Variants in CDC14A observed in about 807,000 individuals in gnomAD.
CDC14A encodes the protein cell division cycle 14A, also known as dual specificity protein phosphatase CDC14A.
In CDC14A, 53 loss-of-function variants were observed where a neutral mutation model predicts 74.4. The observed-to-expected ratio is 0.71, with a 90% CI of 0.57 to 0.89. The LOEUF (loss-of-function observed/expected upper bound fraction) is 0.89. Ranked by LOEUF, CDC14A falls within the 40% of genes least tolerant of loss-of-function variation. The probability of loss-of-function intolerance (pLI) is 0.00; values close to 1 mark genes in which losing one functional copy is unlikely to be tolerated. For synonymous variants in CDC14A, 247 were observed against 258.4 expected (o/e 0.96, Z 0.43); for missense variants, 646 against 713.7 (o/e 0.91, Z 1.08).
At chr1:100,477,684 C>T (rs747835685) in intron 10 of CDC14A, among the ~76,000 whole-genome samples, 28 of 152,046 alleles carry the variant, frequency 1.8e-4, no homozygotes, top group African/African-American at 5.6e-4. Context: ...TCAATGATGA[C>T]GCAAAAGCAT....
intron 10 of CDC14A, among the ~76,000 whole-genome samples, chr1:100,469,187 CATAGGAAGATGCCATA>C (rs755654723): frequency 6.6e-6 from 1 of 152,104 alleles, no homozygotes; most frequent in Non-Finnish European, 1.5e-5. Flanking sequence ...TCATGAATTT[CATAGGAAGATGCCATA>C]AGTAAACTCT....
At chr1:100,389,967 A>C (rs533707723) in intron 3 of CDC14A, among the ~76,000 whole-genome samples, 2 of 152,148 alleles carry the variant, frequency 1.3e-5, no homozygotes, top group Admixed American at 6.5e-5. Context: ...TCGAGTTTTG[A>C]TTAATAATTT....
intron 1 of CDC14A, among the ~76,000 whole-genome samples, chr1:100,353,296 G>T (rs1241157528): frequency 6.6e-6 from 1 of 152,236 alleles, no homozygotes; most frequent in Non-Finnish European, 1.5e-5. Context: ...GCCTGCTCCG[G>T]ATGCTCACCG....
At chr1:100,449,741 A>G (rs150721379) in intron 7 of CDC14A, among the ~76,000 whole-genome samples, 4 of 152,330 alleles carry the variant, frequency 2.6e-5, no homozygotes, top group East Asian at 1.9e-4. Context: ...TAAGTAACCT[A>G]CTAGCACAGT....
intron 11 of CDC14A, among the ~76,000 whole-genome samples, chr1:100,491,707 G>A (rs1381747469): frequency 6.7e-6 from 1 of 148,772 alleles, no homozygotes; most frequent in Non-Finnish European, 1.5e-5. Flanking sequence ...AAGTAGCTGG[G>A]ATTACAGGCA....
intron 7 of CDC14A, among the ~76,000 whole-genome samples, chr1:100,443,943 G>A (rs1665246252): frequency 6.6e-6 from 1 of 152,190 alleles, no homozygotes; most frequent in Non-Finnish European, 1.5e-5. Flanking sequence ...TTTCCCCAGA[G>A]GAGTAATACA....
chr1:100,370,784 A>G (rs1405156109), intron 2 of CDC14A, among the ~76,000 whole-genome samples: 2 of 151,826 alleles, frequency 1.3e-5, no homozygotes, highest in Non-Finnish European at 2.9e-5. Context: ...TGCTTTGACT[A>G]TTTGGCCTTA....
chr1:100,480,711 A>G (rs550750381), intron 10 of CDC14A, among the ~76,000 whole-genome samples: 1 of 152,332 alleles, frequency 6.6e-6, no homozygotes, highest in African/African-American at 2.4e-5. Flanking sequence ...GAAAAAGGTT[A>G]GAGATGGGGG....
chr1:100,455,083 T>A (rs1292781842), intron 7 of CDC14A, among the ~76,000 whole-genome samples: 1 of 152,226 alleles, frequency 6.6e-6, no homozygotes, highest in Non-Finnish European at 1.5e-5. Context: ...TTTCTCTTAT[T>A]TATCGCCAAG....
intron 10 of CDC14A, among the ~76,000 whole-genome samples, chr1:100,481,964 C>T (rs142714184): frequency 2.0e-5 from 3 of 152,258 alleles, no homozygotes; most frequent in East Asian, 3.9e-4. Flanking sequence ...AAGGAATTTG[C>T]GTGAAGTGCT....
intron 3 of CDC14A, among the ~76,000 whole-genome samples, chr1:100,384,853 G>A (rs1656626887): frequency 6.6e-6 from 1 of 152,236 alleles, no homozygotes; most frequent in Non-Finnish European, 1.5e-5. Context: ...GTAGGTTGGA[G>A]CTTACTGCAC....
chr1:100,392,085 T>G (rs1020519489), intron 4 of CDC14A, among the ~76,000 whole-genome samples: 2 of 152,210 alleles, frequency 1.3e-5, no homozygotes, highest in Admixed American at 6.5e-5. Flanking sequence ...ATGAGAGGGT[T>G]GGATGTAATG....
upstream of CDC14A, among the ~76,000 whole-genome samples, chr1:100,348,079 C>T (rs972957744): frequency 1.3e-5 from 2 of 151,976 alleles, no homozygotes; most frequent in African/African-American, 2.4e-5. Flanking sequence ...GTCAAGAGAT[C>T]GAGACCATCC....
At chr1:100,434,497 C>T (rs1315020176) in intron 5 of CDC14A, among the ~76,000 whole-genome samples, 1 of 152,204 alleles carries the variant, frequency 6.6e-6, no homozygotes, top group African/African-American at 2.4e-5. Context: ...TTAAAAATAT[C>T]ACTCTGGCTT....
chr1:100,348,147 T>C (rs942409695), upstream of CDC14A, among the ~76,000 whole-genome samples: 1 of 152,076 alleles, frequency 6.6e-6, no homozygotes, highest in African/African-American at 2.4e-5. Context: ...TTGGGCATGG[T>C]GGTGCACGCC....
At chr1:100,484,876 T>TTA (rs1474992458) in intron 11 of CDC14A, 2 of 973,030 alleles carry the variant, frequency 2.1e-6, no homozygotes, top group Admixed American at 6.2e-5. Context: ...GGCACTTTTT[T>TTA]AAAAAAAAAT....
chr1:100,410,844 T>C (rs1021898342), intron 4 of CDC14A, among the ~76,000 whole-genome samples: 3 of 152,214 alleles, frequency 2.0e-5, no homozygotes, highest in African/African-American at 7.2e-5. Context: ...ATTTAAAAAA[T>C]TTTTATCTCT....
chr1:100,389,304 A>C (rs1405883884), intron 3 of CDC14A, among the ~76,000 whole-genome samples: 4 of 151,836 alleles, frequency 2.6e-5, no homozygotes, highest in African/African-American at 9.7e-5. Context: ...CTAAAAATAC[A>C]AAAATTAGCC....
chr1:100,351,993 TGTGTGTGTGTGC>T (rs1277512495), upstream of CDC14A, among the ~76,000 whole-genome samples: 1,129 of 139,116 alleles, frequency 8.1e-3, 14 homozygotes, highest in African/African-American at 0.034. Context: ...TGTGTGTGTG[TGTGTGTGTGTGC>T]GCGCGCGCGC....
Sources: allele counts gnomAD v4.1 joint callset (sites outside exome capture counted in the v4.1 genomes callset), GRCh38; gene constraint gnomAD v4.1.1; transcripts MANE v1.5; gene names NCBI Gene and HGNC (gene_info 2026-07-23, HGNC 2026-07-21).